TSG101: variants seen among roughly 807,000 people sequenced by gnomAD.
TSG101 encodes the protein tumor susceptibility 101.
A neutral mutation model predicts 48.5 loss-of-function variants in TSG101; 19 were observed. The ratio of observed to expected loss-of-function variants is 0.39; its 90% CI spans 0.27 to 0.58. TSG101 has a LOEUF of 0.58. TSG101 is among the 20% of genes least tolerant of loss of function. The pLI, the probability that TSG101 is intolerant of heterozygous loss-of-function variation, is 0.55. For missense variants in TSG101, 365 were observed against 484.4 expected, an observed-to-expected ratio of 0.75 and a Z score of 2.31; for synonymous variants, 174 against 169.4, an observed-to-expected ratio of 1.03 and a Z score of -0.21.
Position 18,484,050 on chromosome 11 carries a change from G to A in TSG101, c.663C>T (p.Ile221=), listed in dbSNP as rs1212155840. ...GAGAGGCTCGGATGGTGTCCTCGCT[G>A]ATTGTGCCATCCCTACTGGGACCTG... ...TTVGPSRDGT[I]SEDTIRASLI... The change falls in exon 8 of 10, where the codon ATC becomes ATT. Residue 221 remains isoleucine, a synonymous_variant. Coordinates refer to ENST00000251968, the MANE Select transcript of TSG101 (RefSeq NM_006292.4). 2 of 1,614,138 alleles carry A rather than the reference G, an allele frequency of 1.2e-6. No homozygotes were observed. The highest frequency in any genetic ancestry group is 3.3e-5 in the Admixed American group (2 of 60,018).
chr11:18,490,306 G>A, intron 7 of TSG101: 1 of 583,310 alleles, frequency 1.7e-6, no homozygotes, highest in Non-Finnish European at 3.4e-6. Context: ...ACTGTCCCAA[G>A]TAATTGCATG....
At chr11:18,505,260 CTTT>C (rs79752716) in intron 6 of TSG101, among the ~76,000 whole-genome samples, 16,922 of 144,488 alleles carry the variant, frequency 0.12, 1,176 homozygotes, top group South Asian at 0.25. Flanking sequence ...ATATGCCAAT[CTTT>C]TTTTTTTTTT....
intron 4 of TSG101, among the ~76,000 whole-genome samples, chr11:18,512,713 GGACA>G (rs1349312139): frequency 2.0e-5 from 3 of 148,254 alleles, no homozygotes; most frequent in East Asian, 2.1e-4. Flanking sequence ...GCTGATTGAA[GGACA>G]GACAGATTTT....
chr11:18,524,826 G>A (rs981129911), intron 1 of TSG101, among the ~76,000 whole-genome samples: 1 of 151,950 alleles, frequency 6.6e-6, no homozygotes, highest in Non-Finnish European at 1.5e-5. Context: ...GGGAAGCTTA[G>A]GAAACTTAAT....
chr11:18,516,278 G>A, intron 2 of TSG101, 114 bp from the exon 3 acceptor site: 1 of 808,850 alleles, frequency 1.2e-6, no homozygotes, highest in Non-Finnish European at 2.0e-6. Flanking sequence ...GGGCTGACCT[G>A]TCAATGTATC....
At chr11:18,496,473 AAAATAAAAT>A (rs1849782608) in intron 7 of TSG101, among the ~76,000 whole-genome samples, 1 of 147,270 alleles carries the variant, frequency 6.8e-6, no homozygotes, top group Non-Finnish European at 1.5e-5. Context: ...AAAATAAAAT[AAAATAAAAT>A]AAAATAAAAT....
chr11:18,508,068 T>C (rs1256147918), intron 5 of TSG101, among the ~76,000 whole-genome samples: 1 of 148,698 alleles, frequency 6.7e-6, no homozygotes, highest in Non-Finnish European at 1.5e-5. Flanking sequence ...CACTCCGGCC[T>C]GGGCAACAGA....
intron 9 of TSG101, chr11:18,481,270 T>TA (rs772499923): frequency 1.2e-4 from 121 of 984,688 alleles, no homozygotes; most frequent in Admixed American, 1.8e-4. Flanking sequence ...AATTAACAGA[T>TA]AAAAAATGGA....
intron 9 of TSG101, chr11:18,481,423 GC>G (rs2133899883): frequency 7.4e-7 from 1 of 1,357,118 alleles, no homozygotes; most frequent in East Asian, 2.9e-5. Context: ...GCAGCCACCA[GC>G]CCACTTCTCT....
intron 7 of TSG101, among the ~76,000 whole-genome samples, chr11:18,489,166 C>T (rs2133906483): frequency 6.6e-6 from 1 of 151,018 alleles, no homozygotes; most frequent in East Asian, 1.9e-4. Context: ...AATTTAAAAG[C>T]CCCAAGCCAG....
intron 7 of TSG101, among the ~76,000 whole-genome samples, chr11:18,499,376 ATT>A (rs1565087333): frequency 3.0e-4 from 9 of 30,362 alleles, no homozygotes; most frequent in Non-Finnish European, 6.0e-4. Context: ...ATATGTTTAT[ATT>A]TAAATATATA....
intron 8 of TSG101, among the ~76,000 whole-genome samples, chr11:18,482,844 T>C (rs2133901118): frequency 6.6e-6 from 1 of 152,344 alleles, no homozygotes; most frequent in East Asian, 1.9e-4. Context: ...ATCTTTATCA[T>C]GGCTTAGAAC....
chr11:18,480,489 A>G lies in TSG101; in HGVS notation c.*57T>C. 1 of 1,404,660 alleles carries G rather than the reference A, an allele frequency of 7.1e-7. No individual in the cohort carries two copies. The highest frequency in any genetic ancestry group is 9.9e-7 in the Non-Finnish European group (1 of 1,006,508). The allele number at this position is 1,404,660 out of a possible 1,614,324, so 87.0% of individuals were successfully genotyped here. A position where few individuals can be genotyped will look rare whatever the true frequency, so the allele number is the denominator to read the frequency against. ...TAACTTATTCTGGGCACCTACTGAT[A>G]AAAGGAAGAGAAGAATACTTTAAGA... On this transcript the variant is annotated 3_prime_UTR_variant, in exon 10 of 10. Coordinates refer to ENST00000251968, the MANE Select transcript of TSG101 (RefSeq NM_006292.4).
At chr11:18,482,924 C>G (rs962236895) in intron 8 of TSG101, among the ~76,000 whole-genome samples, 1 of 152,160 alleles carries the variant, frequency 6.6e-6, no homozygotes, top group African/African-American at 2.4e-5. Flanking sequence ...GTTAAAACAT[C>G]CTTTGCCTAA....
chr11:18,499,221 TTTA>T (rs1849833488), intron 7 of TSG101, among the ~76,000 whole-genome samples: 1 of 138,264 alleles, frequency 7.2e-6, no homozygotes, highest in African/African-American at 2.7e-5. Flanking sequence ...AATATATATA[TTTA>T]TATATGATAT....
At chr11:18,526,703 C>A (rs1850381049) in intron 1 of TSG101, 72 bp downstream of exon 1, 2 of 1,549,082 alleles carry the variant, frequency 1.3e-6, no homozygotes, top group African/African-American at 1.4e-5. Flanking sequence ...TTGGCTGGGC[C>A]GGGACGGACT....
At chr11:18,499,785 G>A (rs534477913) in intron 7 of TSG101, among the ~76,000 whole-genome samples, 5 of 151,998 alleles carry the variant, frequency 3.3e-5, no homozygotes, top group South Asian at 4.2e-4. Context: ...TACCTGCACG[G>A]AATGTAATGT....
chr11:18,502,301 T>C (rs1849901050), intron 7 of TSG101, among the ~76,000 whole-genome samples, 185 bp downstream of exon 7: 1 of 152,238 alleles, frequency 6.6e-6, no homozygotes, highest in Non-Finnish European at 1.5e-5. Flanking sequence ...TTTATTTTCA[T>C]GCCCTGGTAG....
At chr11:18,482,628 AC>A (rs769010834) in intron 8 of TSG101, among the ~76,000 whole-genome samples, 1 of 152,208 alleles carries the variant, frequency 6.6e-6, no homozygotes, top group Non-Finnish European at 1.5e-5. Context: ...TTACACACGG[AC>A]TGTCCAAGGC....
Sources: gnomAD v4.1 joint callset for allele counts (sites outside exome capture counted in the v4.1 genomes callset) on GRCh38, gnomAD v4.1.1 for gene constraint, MANE v1.5 for transcripts, NCBI Gene and HGNC (gene_info 2026-07-23, HGNC 2026-07-21) for gene names.